CIB4: variants seen among roughly 807,000 people sequenced by gnomAD.
The protein encoded by CIB4 is calcium and integrin binding family member 4, also known as calcium and integrin-binding family member 4.
A neutral mutation model predicts 25.8 loss-of-function variants in CIB4; 25 were observed. That is an observed-to-expected ratio of 0.97 (90% CI 0.71 to 1.35). CIB4 has a LOEUF of 1.35. Among genes scored for constraint, CIB4 ranks in the 40% most tolerant of loss-of-function variants. The pLI is 0.00. For missense variants in CIB4, 235 were observed against 228.2 expected, an observed-to-expected ratio of 1.03 and a Z score of -0.19; for synonymous variants, 75 against 81.4, an observed-to-expected ratio of 0.92 and a Z score of 0.42.
At position 26,641,243 on chromosome 2, in the gene CIB4, C is replaced by T. The variant is rs1185163062; in HGVS notation, c.54+18G>A. ...AAGCTCCCACCTCTGCCCAGAGTCC[C>T]TAGCCCGATCTACCCACCTGGTACT... On this transcript the variant is annotated intron_variant, in intron 1 of 6. Coordinates refer to ENST00000288861, the MANE Select transcript of CIB4 (RefSeq NM_001029881.3). 10 of 1,607,502 alleles carry T rather than the reference C, an allele frequency of 6.2e-6. No individual in the cohort carries two copies. The highest frequency in any genetic ancestry group is 8.5e-6 in the Non-Finnish European group (10 of 1,174,176).
At chr2:26,628,291 A>G (rs1257794616) in intron 3 of CIB4, among the ~76,000 whole-genome samples, 1 of 152,048 alleles carries the variant, frequency 6.6e-6, no homozygotes, top group Non-Finnish European at 1.5e-5. Context: ...TCCCTAAAGG[A>G]TTGGGAGGTG....
At chr2:26,638,241 G>A (rs879531002) in intron 2 of CIB4, among the ~76,000 whole-genome samples, 1 of 152,158 alleles carries the variant, frequency 6.6e-6, no homozygotes, top group Non-Finnish European at 1.5e-5. Context: ...CCAACACAAC[G>A]CGGAGCCAAA....
intron 3 of CIB4, among the ~76,000 whole-genome samples, chr2:26,609,020 C>T (rs1668947239): frequency 6.6e-6 from 1 of 152,208 alleles, no homozygotes; most frequent in Non-Finnish European, 1.5e-5. Context: ...ACAACCGCAG[C>T]CCTTTTGACA....
At chr2:26,619,780 A>G (rs1215812459) in intron 3 of CIB4, among the ~76,000 whole-genome samples, 1 of 150,320 alleles carries the variant, frequency 6.7e-6, no homozygotes, top group Non-Finnish European at 1.5e-5. Flanking sequence ...TCTGCGACTG[A>G]GGAAGCAGGA....
chr2:26,628,593 G>C (rs1669352610), intron 3 of CIB4, among the ~76,000 whole-genome samples: 1 of 152,222 alleles, frequency 6.6e-6, no homozygotes, highest in African/African-American at 2.4e-5. Flanking sequence ...AGCCCAGGCA[G>C]CGCTGGCTGA....
At chr2:26,621,304 G>C (rs940585418) in intron 3 of CIB4, among the ~76,000 whole-genome samples, 5 of 148,542 alleles carry the variant, frequency 3.4e-5, no homozygotes, top group Non-Finnish European at 5.9e-5. Context: ...AAACAGAAAG[G>C]CTTTGGACCT....
At chr2:26,622,161 G>C (rs751855411) in intron 3 of CIB4, among the ~76,000 whole-genome samples, 3 of 152,096 alleles carry the variant, frequency 2.0e-5, no homozygotes, top group Non-Finnish European at 4.4e-5. Flanking sequence ...AGGAGTTCGA[G>C]ACCAGCCTGG....
At chr2:26,589,084 T>TCC (rs1668526923) in intron 4 of CIB4, among the ~76,000 whole-genome samples, 2 of 91,586 alleles carry the variant, frequency 2.2e-5, no homozygotes, top group African/African-American at 1.2e-4. Flanking sequence ...CTTCTTCTTC[T>TCC]TCTTCTTCTT....
At chr2:26,640,630 A>G in intron 1 of CIB4, 63 bp from the exon 2 acceptor site, 2 of 1,538,858 alleles carry the variant, frequency 1.3e-6, no homozygotes, top group African/African-American at 2.8e-5. Flanking sequence ...GCCCCTGGGG[A>G]GTGGCGCAAT....
intron 3 of CIB4, among the ~76,000 whole-genome samples, chr2:26,624,030 C>T (rs976091474): frequency 1.3e-5 from 2 of 152,240 alleles, no homozygotes; most frequent in African/African-American, 4.8e-5. Context: ...TGTGTCCTGT[C>T]CCCGTGCGGG....
At chr2:26,591,056 A>G (rs1668577730) in intron 4 of CIB4, among the ~76,000 whole-genome samples, 1 of 152,094 alleles carries the variant, frequency 6.6e-6, no homozygotes, top group East Asian at 1.9e-4. Flanking sequence ...GAAGGGTTTG[A>G]GTGTTTTTGT....
At chr2:26,639,908 A>AAC (rs943250725) in intron 2 of CIB4, among the ~76,000 whole-genome samples, 69 of 151,984 alleles carry the variant, frequency 4.5e-4, no homozygotes, top group Non-Finnish European at 8.7e-4. Context: ...CAAACACACA[A>AAC]ACACACACAC....
At chr2:26,615,517 A>G (rs1251545539) in intron 3 of CIB4, among the ~76,000 whole-genome samples, 1 of 152,214 alleles carries the variant, frequency 6.6e-6, no homozygotes, top group Non-Finnish European at 1.5e-5. Flanking sequence ...AGGCCCAGGA[A>G]GAGGAAGGAA....
At chr2:26,625,537 AG>A (rs1669287174) in intron 3 of CIB4, among the ~76,000 whole-genome samples, 1 of 152,104 alleles carries the variant, frequency 6.6e-6, no homozygotes, top group South Asian at 2.1e-4. Context: ...TTTTTAGTAG[AG>A]ACGGGGTTTT....
chr2:26,629,389 C>T (rs1291377561), intron 3 of CIB4, 21 bp downstream of exon 3: 2 of 1,520,766 alleles, frequency 1.3e-6, no homozygotes, highest in Non-Finnish European at 1.8e-6. Context: ...GCCCTTGCCC[C>T]ACCCACCATC....
chr2:26,636,343 T>C (rs1669532532), intron 2 of CIB4, among the ~76,000 whole-genome samples: 1 of 152,212 alleles, frequency 6.6e-6, no homozygotes, highest in Non-Finnish European at 1.5e-5. Flanking sequence ...GAATAATCAC[T>C]TTCAGTTTTT....
chr2:26,582,084 G>A (rs984849599), intron 6 of CIB4, among the ~76,000 whole-genome samples: 22 of 152,320 alleles, frequency 1.4e-4, no homozygotes, highest in Admixed American at 3.9e-4. Flanking sequence ...CAGCAGCCCC[G>A]GGCTCCTGCC....
rs1402311190 is a variant in CIB4 at position 26,589,017 on chromosome 2, C to T, written c.329-5119G>A. ...TCTTCTTCTTCTTCTTCTTCTTCTT[C>T]TTCTTCTTCTTCTTCTTCTTCTTCT... is the stretch of plus-strand genomic sequence containing the variant. On this transcript the variant is annotated intron_variant, in intron 4 of 6. Transcript: ENST00000288861. 7.5e-4 allele frequency among the ~76,000 whole-genome samples: 19 copies of T among 25,306 alleles called. 1 individual carries two copies. The highest frequency in any genetic ancestry group is 2.6e-3 in the African/African-American group (17 of 6,482). 16.6% of individuals were successfully genotyped at this position (25,306 alleles called of 152,430 possible). A position where few individuals can be genotyped will look rare whatever the true frequency, so the allele number is the denominator to read the frequency against.
chr2:26,637,722 C>T (rs1405750014), intron 2 of CIB4, among the ~76,000 whole-genome samples: 1 of 152,160 alleles, frequency 6.6e-6, no homozygotes, highest in Admixed American at 6.5e-5. Context: ...TCAGCATCTC[C>T]TGCCTTCGCT....
Sources: allele counts gnomAD v4.1 joint callset (sites outside exome capture counted in the v4.1 genomes callset), GRCh38; gene constraint gnomAD v4.1.1; transcripts MANE v1.5; gene names NCBI Gene and HGNC (gene_info 2026-07-23, HGNC 2026-07-21).